USP32: variants seen among roughly 807,000 people sequenced by gnomAD.
USP32 encodes ubiquitin specific peptidase 32, also known as ubiquitin carboxyl-terminal hydrolase 32.
USP32 carries 59 observed loss-of-function variants against 204.8 expected under a neutral mutation model. The observed-to-expected ratio is 0.29, with a 90% CI of 0.23 to 0.36. USP32 has a LOEUF of 0.36. Ranked by LOEUF, USP32 falls within the 10% of genes least tolerant of loss-of-function variation. The pLI is 1.00. For synonymous variants in USP32, 517 were observed against 678.4 expected (o/e 0.76, Z 3.70); for missense variants, 1,160 against 1,946.4 (o/e 0.60, Z 7.60).
chr17:60,186,451 A>G (rs962296522), intron 29 of USP32, among the ~76,000 whole-genome samples: 5 of 152,238 alleles, frequency 3.3e-5, no homozygotes, highest in African/African-American at 1.2e-4. Flanking sequence ...AACACAGCAG[A>G]GCATGAAACC....
intron 11 of USP32, among the ~76,000 whole-genome samples, chr17:60,236,704 T>C (rs1260749556): frequency 2.0e-5 from 3 of 152,218 alleles, no homozygotes. Context: ...TTAAAACATT[T>C]CAATTAATCC....
At chr17:60,258,922 G>GA (rs1292745327) in intron 9 of USP32, among the ~76,000 whole-genome samples, 1 of 151,932 alleles carries the variant, frequency 6.6e-6, no homozygotes, top group Non-Finnish European at 1.5e-5. Flanking sequence ...ATACACATGG[G>GA]AAAAAACCCT....
In USP32 at chr17:60,183,331, G is replaced by A. The variant is rs2084164243; in HGVS notation, c.3957C>T (p.Leu1319=). The change falls in exon 31 of 34, where the codon CTC becomes CTT. Residue 1319 remains leucine (L), a synonymous_variant. Coordinates refer to ENST00000300896, the MANE Select transcript of USP32 (RefSeq NM_032582.4). ...GGGGTGTGAGTGGTTTATGCTGGCA[G>A]AGAGCCGGGTCTCTTGGTACCAAAA... ...SAFLVPRDPA[L]CQHKPLTPQG... 6.2e-7 allele frequency: 1 copy of A among 1,614,022 alleles called. No homozygotes were observed. The highest frequency in any genetic ancestry group is 2.2e-5 in the East Asian group (1 of 44,886).
chr17:60,420,386 G>T (rs941082731), intron 1 of USP32, among the ~76,000 whole-genome samples: 1 of 152,154 alleles, frequency 6.6e-6, no homozygotes, highest in Non-Finnish European at 1.5e-5. Context: ...ACTCTTTCCT[G>T]GCCGGACGCG....
intron 1 of USP32, among the ~76,000 whole-genome samples, chr17:60,376,726 T>C (rs2089551126): frequency 6.6e-6 from 1 of 152,032 alleles, no homozygotes; most frequent in South Asian, 2.1e-4. Flanking sequence ...TTCACCATGT[T>C]GGCCAGGCTG....
chr17:60,279,502 C>G (rs1178515981), intron 5 of USP32, among the ~76,000 whole-genome samples: 1 of 148,272 alleles, frequency 6.7e-6, no homozygotes, highest in Non-Finnish European at 1.5e-5. Flanking sequence ...AAAAAAAAAA[C>G]CTTATCTATA....
chr17:60,317,124 G>A lies in USP32; in HGVS notation c.187-15420C>T, dbSNP rs149016469. 3.9e-5 allele frequency among the ~76,000 whole-genome samples: 6 copies of A among 152,194 alleles called. No individual in the cohort carries two copies. In the East Asian group the frequency reaches 1.2e-3, roughly 29 times the overall value. ...AAATTATTTTTCCATGTAAATTTGA[G>A]AAAAATGGAGTGATGAAAAATGTTG... On this transcript the variant is annotated intron_variant, in intron 2 of 33. Transcript: ENST00000300896.
chr17:60,340,433 T>A (rs996071113), intron 2 of USP32, among the ~76,000 whole-genome samples: 2 of 152,216 alleles, frequency 1.3e-5, no homozygotes, highest in Non-Finnish European at 2.9e-5. Flanking sequence ...CAAAAATTCT[T>A]TGTCTCTTTT....
At chr17:60,314,202 AT>A (rs59114272) in intron 2 of USP32, among the ~76,000 whole-genome samples, 145,870 of 145,870 alleles carry the variant, frequency 1, 72,935 homozygotes, top group Non-Finnish European at 1. Flanking sequence ...ATACAGTGGC[AT>A]TGATCTTGGC....
At chr17:60,325,212 G>A (rs552054268) in intron 2 of USP32, among the ~76,000 whole-genome samples, 1 of 151,952 alleles carries the variant, frequency 6.6e-6, no homozygotes, top group Non-Finnish European at 1.5e-5. Context: ...TCAGCAGTTC[G>A]AGAATAGCCT....
At chr17:60,368,600 A>AC (rs1300310822) in intron 1 of USP32, among the ~76,000 whole-genome samples, 1 of 152,132 alleles carries the variant, frequency 6.6e-6, no homozygotes, top group Non-Finnish European at 1.5e-5. Context: ...ACCAAAAAAA[A>AC]ACCCACATAC....
chr17:60,393,875 G>T (rs1380213487), upstream of USP32, among the ~76,000 whole-genome samples: 1 of 151,988 alleles, frequency 6.6e-6, no homozygotes, highest in Non-Finnish European at 1.5e-5. Flanking sequence ...GTAGAGACAG[G>T]GTTTCTCCAT....
intron 1 of USP32, among the ~76,000 whole-genome samples, chr17:60,356,664 A>C (rs538194590): frequency 6.6e-6 from 1 of 152,326 alleles, no homozygotes; most frequent in South Asian, 2.1e-4. Context: ...AGGAACAACA[A>C]CAAATAGCAG....
At position 60,301,660 on chromosome 17, in the gene USP32, G is replaced by T. The variant is rs773444568; in HGVS notation, c.231C>A (p.Phe77Leu). The change falls in exon 3 of 34, where the codon TTC becomes TTA. Residue 77 changes from phenylalanine to leucine, a missense_variant. By Grantham distance (22) the Phe-to-Leu change is conservative. Coordinates refer to ENST00000300896, the MANE Select transcript of USP32 (RefSeq NM_032582.4). ...GGACAAGTCCAACTATTAAATTATT[G>T]AAGTGCAGCCCTTTGGATGTTCCAC... Reference protein sequence around the residue: ...SFGGTSKGLHFNNLIVGLVLL... With the variant: ...SFGGTSKGLHLNNLIVGLVLL... The T allele has an allele frequency of 6.3e-7, 1 of 1,598,790 alleles. No homozygotes were observed.
chr17:60,181,205 C>A (rs2084102397), intron 32 of USP32, 119 bp downstream of exon 32: 2 of 1,323,884 alleles, frequency 1.5e-6, no homozygotes, highest in African/African-American at 3.0e-5. Context: ...CTTTGTCTAT[C>A]ACTAAGCTCA....
At chr17:60,326,781 T>A (rs2088250340) in intron 2 of USP32, among the ~76,000 whole-genome samples, 1 of 152,232 alleles carries the variant, frequency 6.6e-6, no homozygotes, top group East Asian at 1.9e-4. Flanking sequence ...TACTAAGTTT[T>A]ATGAAAATAA....
intron 2 of USP32, among the ~76,000 whole-genome samples, chr17:60,334,871 G>C (rs1320314513): frequency 7.0e-6 from 1 of 143,012 alleles, no homozygotes; most frequent in East Asian, 1.9e-4. Context: ...ATGTTGGTCA[G>C]ACTGGTCTCA....
At chr17:60,252,156 A>G (rs994747401) in intron 11 of USP32, among the ~76,000 whole-genome samples, 4 of 152,110 alleles carry the variant, frequency 2.6e-5, no homozygotes, top group African/African-American at 4.8e-5. Flanking sequence ...AAAAAATGAA[A>G]TTTAGTATTC....
chr17:60,379,617 C>G (rs2089612242), intron 1 of USP32, among the ~76,000 whole-genome samples: 1 of 152,176 alleles, frequency 6.6e-6, no homozygotes, highest in Admixed American at 6.5e-5. Context: ...ATAAATTCTT[C>G]TAACACATAG....
Sources: allele counts gnomAD v4.1 joint callset (sites outside exome capture counted in the v4.1 genomes callset), GRCh38; gene constraint gnomAD v4.1.1; transcripts MANE v1.5; gene names NCBI Gene and HGNC (gene_info 2026-07-23, HGNC 2026-07-21).